PUS10: variants seen among roughly 807,000 people sequenced by gnomAD.
The protein encoded by PUS10 is pseudouridine synthase 10, also known as tRNA pseudouridine synthase Pus10.
Under a neutral mutation model 75.0 loss-of-function variants are expected in PUS10, and 59 were observed. The ratio of observed to expected loss-of-function variants is 0.79; its 90% CI spans 0.64 to 0.98. PUS10 has a LOEUF of 0.98. Ranked by LOEUF, PUS10 falls within the 50% of genes least tolerant of loss-of-function variation. The pLI, the probability that PUS10 is intolerant of heterozygous loss-of-function variation, is 0.00. For missense variants in PUS10, 650 were observed against 614.4 expected (o/e 1.06, Z -0.61); for synonymous variants, 219 against 211.6 (o/e 1.03, Z -0.30).
At chr2:60,963,182 A>C (rs1027613773) in intron 8 of PUS10, among the ~76,000 whole-genome samples, 1 of 152,200 alleles carries the variant, frequency 6.6e-6, no homozygotes, top group Non-Finnish European at 1.5e-5. Flanking sequence ...CACTTCTCTC[A>C]AATTATGGTA....
At chr2:60,960,538 T>C (rs770116469) in intron 10 of PUS10, 21 bp from the exon 11 acceptor site, 12 of 1,559,752 alleles carry the variant, frequency 7.7e-6, no homozygotes, top group Non-Finnish European at 4.3e-6. Context: ...AATAATCAGA[T>C]AGCCTGGATG....
intron 4 of PUS10, among the ~76,000 whole-genome samples, chr2:60,980,504 G>T (rs1677317946): frequency 6.6e-6 from 1 of 152,146 alleles, no homozygotes; most frequent in African/African-American, 2.4e-5. Flanking sequence ...CCCACCAACT[G>T]TTCCTGCCTG....
At chr2:60,990,362 T>C (rs1011811863) in intron 4 of PUS10, among the ~76,000 whole-genome samples, 14 of 151,636 alleles carry the variant, frequency 9.2e-5, no homozygotes, top group African/African-American at 2.9e-4. Context: ...TAGTGAAGAG[T>C]TACAGGGCCA....
chr2:60,991,194 A>G (rs1456278204), intron 4 of PUS10, among the ~76,000 whole-genome samples: 1 of 152,148 alleles, frequency 6.6e-6, no homozygotes, highest in Non-Finnish European at 1.5e-5. Flanking sequence ...TATACTTTAA[A>G]AAACAAAAAC....
chr2:61,004,795 A>G (rs1389347927), intron 4 of PUS10, among the ~76,000 whole-genome samples: 2 of 152,222 alleles, frequency 1.3e-5, no homozygotes, highest in African/African-American at 4.8e-5. Flanking sequence ...AGGTTAAAAT[A>G]TATTAGTCAT....
At chr2:60,958,729 C>T (rs1675830428) in intron 11 of PUS10, among the ~76,000 whole-genome samples, 1 of 151,766 alleles carries the variant, frequency 6.6e-6, no homozygotes, top group African/African-American at 2.4e-5. Context: ...ACAAAAAATA[C>T]AAAAAAATTA....
At chr2:60,964,725 A>G (rs1476158703) in intron 8 of PUS10, among the ~76,000 whole-genome samples, 1 of 152,228 alleles carries the variant, frequency 6.6e-6, no homozygotes, top group Non-Finnish European at 1.5e-5. Context: ...ATTTTCTCAG[A>G]TGATGTAATT....
Position 61,011,780 on chromosome 2 carries a change from G to C in PUS10, c.111C>G (p.Tyr37Ter). The change falls in exon 2 of 18, where the codon TAC (tyrosine) becomes TAG (stop). Residue 37 changes from tyrosine (Y) to a stop codon, truncating the protein, a stop_gained. Coordinates refer to ENST00000316752, the MANE Select transcript of PUS10 (RefSeq NM_144709.4). LOFTEE classifies it high-confidence loss of function. Reference protein sequence around the residue: ...RFCGVDFHAPYKLPYKELLNE... With the variant: ...RFCGVDFHAP ...AAGAAAATACCTTGTATGGAAGTTT[G>C]TAAGGTGCATGAAAATCCACACCAC... 6.3e-7 allele frequency: 1 copy of C among 1,577,764 alleles called. No homozygotes were observed. Among genetic ancestry groups the C allele is most frequent in the South Asian group, 1.2e-5 (1 of 85,730 alleles).
At chr2:60,970,466 G>T (rs1241470521) in intron 5 of PUS10, among the ~76,000 whole-genome samples, 6 of 151,636 alleles carry the variant, frequency 4.0e-5, no homozygotes, top group African/African-American at 1.5e-4. Flanking sequence ...TTTTTTACTG[G>T]TATGTTTTAG....
chr2:60,985,509 CTTT>C (rs897441931), intron 4 of PUS10, among the ~76,000 whole-genome samples: 1 of 150,650 alleles, frequency 6.6e-6, no homozygotes, highest in African/African-American at 2.4e-5. Context: ...TTTTTTCTCT[CTTT>C]TTTTTTGAAA....
At chr2:60,988,705 G>A (rs972519220) in intron 4 of PUS10, among the ~76,000 whole-genome samples, 2 of 152,132 alleles carry the variant, frequency 1.3e-5, no homozygotes, top group African/African-American at 2.4e-5. Context: ...GTGCAATCTC[G>A]GCTCACTGCA....
At position 60,961,532 on chromosome 2, in the gene PUS10, G is replaced by A; in HGVS notation, c.805C>T (p.Pro269Ser). The A allele has an allele frequency of 6.2e-7, 1 of 1,613,932 alleles. No individual in the cohort carries two copies. The highest frequency in any genetic ancestry group is 8.5e-7 in the Non-Finnish European group (1 of 1,179,824). ...EDFLKQFPCP[P>S]NSPKAVCAVL... is the part of the protein sequence containing the mutation. ...GCGCATACAGCCTTTGGTGAGTTTG[G>A]AGGACAAGGAAACTGCCTGCAAAAC... Residue 269 changes from proline (P) to serine (S), a missense_variant, in exon 10 of 18, where the codon CCA (proline) becomes TCA (serine). By Grantham distance (74) the Pro-to-Ser change is moderately conservative. Coordinates refer to ENST00000316752, the MANE Select transcript of PUS10 (RefSeq NM_144709.4).
intron 1 of PUS10, among the ~76,000 whole-genome samples, chr2:61,014,802 G>C (rs1054103345): frequency 2.0e-5 from 3 of 152,172 alleles, no homozygotes; most frequent in Non-Finnish European, 4.4e-5. Flanking sequence ...CCTCCCAACA[G>C]CTTAGTATAA....
Position 60,973,709 on chromosome 2 carries a change from GC to G in PUS10, c.469-2153del, listed in dbSNP as rs558345223. 2.9e-3 allele frequency among the ~76,000 whole-genome samples: 449 copies of G among 152,356 alleles called. 1 individual carries two copies. The highest frequency in any genetic ancestry group is 0.01 in the African/African-American group (419 of 41,596). ...CAGAAAGCGGCAGGTCCACAGTGAA[GC>G]CCCACCTTCAAGCCAGGGAGGGCCT... On this transcript the variant is annotated intron_variant, in intron 4 of 17. Transcript: ENST00000316752.
chr2:61,001,408 C>T (rs950087138), intron 4 of PUS10, among the ~76,000 whole-genome samples: 1 of 152,066 alleles, frequency 6.6e-6, no homozygotes, highest in Non-Finnish European at 1.5e-5. Context: ...TCCCAAATAG[C>T]TGGGACTACA....
intron 5 of PUS10, among the ~76,000 whole-genome samples, chr2:60,969,566 A>G (rs1033665563): frequency 3.9e-5 from 6 of 152,226 alleles, no homozygotes; most frequent in African/African-American, 7.2e-5. Context: ...ATACAACACA[A>G]CAACCATTCT....
chr2:60,950,379 T>C (rs1265727122), intron 15 of PUS10, among the ~76,000 whole-genome samples: 4 of 152,214 alleles, frequency 2.6e-5, no homozygotes, highest in African/African-American at 4.8e-5. Flanking sequence ...CATATGTACA[T>C]ACTAACATGT....
chr2:60,944,943 T>C, intron 17 of PUS10, 66 bp downstream of exon 17: 1 of 1,185,674 alleles, frequency 8.4e-7, no homozygotes, highest in Non-Finnish European at 1.3e-6. Flanking sequence ...AATGGCTTAA[T>C]GCCAAAGAGC....
Position 60,955,055 on chromosome 2 carries a change from A to G in PUS10, c.1020T>C (p.Ser340=). 2 of 1,596,526 alleles carry G rather than the reference A, an allele frequency of 1.3e-6. No individual in the cohort carries two copies. The highest frequency in any genetic ancestry group is 1.7e-6 in the Non-Finnish European group (2 of 1,171,736). The change falls in exon 12 of 18, where the codon TCT becomes TCC. Residue 340 remains serine, a synonymous_variant. Coordinates refer to ENST00000316752, the MANE Select transcript of PUS10 (RefSeq NM_144709.4). ...FKAESFNFSS[S]GREDVDVRTL... The stretch of plus-strand genomic sequence containing the variant: ...TTCTCACATCTACATCTTCTCTTCC[A>G]GAGGATGAAAAATTAAAACCTTTGA...
Sources: allele counts gnomAD v4.1 joint callset (sites outside exome capture counted in the v4.1 genomes callset), GRCh38; gene constraint gnomAD v4.1.1; transcripts MANE v1.5; gene names NCBI Gene and HGNC (gene_info 2026-07-23, HGNC 2026-07-21).